HEBP2: variants seen among roughly 807,000 people sequenced by gnomAD.
The protein encoded by HEBP2 is heme-binding protein 2.
Under a neutral mutation model 23.1 loss-of-function variants are expected in HEBP2, and 27 were observed. That is an observed-to-expected ratio of 1.17 (90% CI 0.86 to 1.61). The LOEUF (loss-of-function observed/expected upper bound fraction) is 1.61. HEBP2 is among the 40% of genes most tolerant of loss of function. The probability of loss-of-function intolerance (pLI) is 0.00; values close to 1 mark genes in which losing one functional copy is unlikely to be tolerated. For missense variants in HEBP2, 245 were observed against 253.8 expected (o/e 0.97, Z 0.24); for synonymous variants, 99 against 95.1 (o/e 1.04, Z -0.24).
At chr6:138,412,090 A>G (rs1389990881) in intron 3 of HEBP2, 4 of 447,450 alleles carry the variant, frequency 8.9e-6, no homozygotes, top group South Asian at 1.6e-5. Context: ...TAGGAGAGGG[A>G]AAAAGGGGCA....
At chr6:138,404,982 C>A (rs557583590) in intron 1 of HEBP2, among the ~76,000 whole-genome samples, 163 bp from the exon 2 acceptor site, 31 of 151,628 alleles carry the variant, frequency 2.0e-4, no homozygotes, top group Non-Finnish European at 3.8e-4. Context: ...TGGAGGGGAA[C>A]CTCCCAGACC....
rs1404138552 is a variant in HEBP2 at position 138,421,393 on chromosome 6, C to T, written c.*8315C>T. The stretch of plus-strand genomic sequence containing the variant: ...TTCTCCTAAGGAATATACAGTCACC[C>T]CCACAGGAAAAGCAAGAGTTCAATC... On this transcript the variant is annotated 3_prime_UTR_variant, in exon 4 of 4. Coordinates refer to ENST00000607197, the MANE Select transcript of HEBP2 (RefSeq NM_014320.3). 6.6e-6 allele frequency: 1 copy of T among 152,086 alleles called. No individual in the cohort carries two copies. Among genetic ancestry groups the T allele is most frequent in the Non-Finnish European group, 1.5e-5 (1 of 68,034 alleles). 9.4% of individuals were successfully genotyped at this position (152,086 alleles called of 1,614,324 possible).
chr6:138,405,831 T>A lies in HEBP2; in HGVS notation c.239-140T>A, dbSNP rs887144851. ...AGCAATTGAGTAATTTTGGCCTTAC[T>A]GTTTTAAGATGAAAATTATCTTAAA... On this transcript the variant is annotated intron_variant, in intron 2 of 3. Coordinates refer to ENST00000607197, the MANE Select transcript of HEBP2 (RefSeq NM_014320.3). 4 of 716,258 alleles carry A rather than the reference T, an allele frequency of 5.6e-6. No individual in the cohort carries two copies. In the East Asian group the frequency reaches 1.1e-4, roughly 20 times the overall value. 44.4% of individuals were successfully genotyped at this position (716,258 alleles called of 1,614,324 possible).
chr6:138,404,706 C>A, intron 1 of HEBP2, 109 bp downstream of exon 1: 1 of 649,574 alleles, frequency 1.5e-6, no homozygotes, highest in Admixed American at 4.3e-5. Context: ...TTTAAATGGT[C>A]CCAGTCCCTA....
intron 3 of HEBP2, 67 bp downstream of exon 3, chr6:138,406,218 T>G (rs1003240719): frequency 4.3e-5 from 59 of 1,380,364 alleles, no homozygotes; most frequent in African/African-American, 2.2e-4. Context: ...ACAGTTTAGC[T>G]CCAATGCAAT....
At chr6:138,404,755 G>C (rs1264606088) in intron 1 of HEBP2, among the ~76,000 whole-genome samples, 158 bp downstream of exon 1, 1 of 152,158 alleles carries the variant, frequency 6.6e-6, no homozygotes, top group Non-Finnish European at 1.5e-5. Flanking sequence ...CGGTCATTTA[G>C]CTCTACCCTC....
Position 138,404,461 on chromosome 6 carries a change from C to T in HEBP2, c.-35C>T. The T allele has an allele frequency of 2.4e-6, 3 of 1,238,864 alleles. No individual in the cohort carries two copies. The highest frequency in any genetic ancestry group is 3.0e-6 in the Non-Finnish European group (3 of 987,816). The allele number at this position is 1,238,864 out of a possible 1,614,324, so 76.7% of individuals were successfully genotyped here. On this transcript the variant is annotated 5_prime_UTR_variant, in exon 1 of 4. Coordinates refer to ENST00000607197, the MANE Select transcript of HEBP2 (RefSeq NM_014320.3). Reference sequence around the variant, plus strand: ...CGGCCCGGGGTGCGGGGCCTCTGCGCGGCTGACCAGGCTCCCAGAGCGTCA... The same window carrying T: ...CGGCCCGGGGTGCGGGGCCTCTGCGTGGCTGACCAGGCTCCCAGAGCGTCA...
intron 3 of HEBP2, 41 bp downstream of exon 3, chr6:138,406,192 T>A: frequency 6.4e-7 from 1 of 1,553,458 alleles, no homozygotes; most frequent in Non-Finnish European, 8.8e-7. Flanking sequence ...ACTGCTAGTT[T>A]TACTTGCGTG....
chr6:138,404,600 A>G lies in HEBP2; in HGVS notation c.102+3A>G. Reference sequence around the variant, plus strand: ...CCCCGGAGGACGCCGGCCCCCAGGTAGGCGCCGACTCGGGAGCGGAGGGGC... The same window carrying G: ...CCCCGGAGGACGCCGGCCCCCAGGTGGGCGCCGACTCGGGAGCGGAGGGGC... On this transcript the variant is annotated splice_donor_region_variant and intron_variant, in intron 1 of 3. Transcript: ENST00000607197. The G allele has an allele frequency of 2.4e-6, 3 of 1,273,040 alleles. No individual in the cohort carries two copies. Among genetic ancestry groups the G allele is most frequent in the South Asian group, 2.5e-5 (1 of 39,772 alleles). The allele number at this position is 1,273,040 out of a possible 1,614,324, so 78.9% of individuals were successfully genotyped here. A position where few individuals can be genotyped will look rare whatever the true frequency, so the allele number is the denominator to read the frequency against.
chr6:138,411,925 G>C (rs1325827046), intron 3 of HEBP2, among the ~76,000 whole-genome samples: 1 of 152,128 alleles, frequency 6.6e-6, no homozygotes, highest in East Asian at 1.9e-4. Context: ...GCAACAGACA[G>C]AGTGAGACTC....
upstream of HEBP2, among the ~76,000 whole-genome samples, chr6:138,403,916 G>C (rs374212590): frequency 4.9e-3 from 752 of 152,310 alleles, 4 homozygotes; most frequent in Non-Finnish European, 7.8e-3. Flanking sequence ...AACTTCTTGG[G>C]ATGAGTACGG....
At chr6:138,408,793 G>C (rs1445179477) in intron 3 of HEBP2, among the ~76,000 whole-genome samples, 4 of 152,082 alleles carry the variant, frequency 2.6e-5, no homozygotes, top group African/African-American at 7.3e-5. Context: ...TCATTTCATA[G>C]CCGACTTGTT....
chr6:138,416,539 G>T lies in HEBP2; in HGVS notation c.*3461G>T, dbSNP rs57919308. On this transcript the variant is annotated 3_prime_UTR_variant, in exon 4 of 4. Transcript: ENST00000607197. ...TGGCTCTCCTCGGCAGGCTGGGGCT[G>T]GCAGGAAGGGCTGTGATGGAACTTC... 0.11 allele frequency: 17,040 copies of T among 152,498 alleles called. 1,100 individuals are homozygous for T. The highest frequency in any genetic ancestry group is 0.19 in the Middle Eastern group (56 of 296). 9.4% of individuals were successfully genotyped at this position (152,498 alleles called of 1,614,324 possible). A position where few individuals can be genotyped will look rare whatever the true frequency, so the allele number is the denominator to read the frequency against.
rs1376117836 is a variant in HEBP2 at position 138,419,424 on chromosome 6, A to G, written c.*6346A>G. ...TCCTTTCGGGCCTACAGGGTCCTGA[A>G]CACAATCTAAGGACTTACAAAACAT... On this transcript the variant is annotated 3_prime_UTR_variant, in exon 4 of 4. Coordinates refer to ENST00000607197, the MANE Select transcript of HEBP2 (RefSeq NM_014320.3). The G allele has an allele frequency of 6.6e-6, 1 of 152,218 alleles. No individual in the cohort carries two copies. The highest frequency in any genetic ancestry group is 1.5e-5 in the Non-Finnish European group (1 of 68,042). 9.4% of individuals were successfully genotyped at this position (152,218 alleles called of 1,614,324 possible). A position where few individuals can be genotyped will look rare whatever the true frequency, so the allele number is the denominator to read the frequency against.
chr6:138,403,590 G>A, upstream of HEBP2: 1 of 459,720 alleles, frequency 2.2e-6, no homozygotes, highest in Non-Finnish European at 3.9e-6. Flanking sequence ...GGGCGCCGGA[G>A]CCGTGCCGGG....
chr6:138,414,604 C>T lies in HEBP2; in HGVS notation c.*1526C>T, dbSNP rs1774810656. The stretch of plus-strand genomic sequence containing the variant: ...GGGGTGTGGTTCGCCGACAGTCTCC[C>T]CGTTACCGTCTTCAGGGTCCACGCC... On this transcript the variant is annotated 3_prime_UTR_variant, in exon 4 of 4. Transcript: ENST00000607197. The T allele has an allele frequency of 6.6e-6, 1 of 152,176 alleles. No homozygotes were observed. The highest frequency in any genetic ancestry group is 1.5e-5 in the Non-Finnish European group (1 of 68,062). The allele number at this position is 152,176 out of a possible 1,614,324, so 9.4% of individuals were successfully genotyped here.
chr6:138,415,553 A>T lies in HEBP2; in HGVS notation c.*2475A>T, dbSNP rs1213391720. Reference sequence around the variant, plus strand: ...TGGATTGACGTCCTGCAAGTGGATAATGAAAAGCTGAGGTCAATTAACAAA... The same window carrying T: ...TGGATTGACGTCCTGCAAGTGGATATTGAAAAGCTGAGGTCAATTAACAAA... On this transcript the variant is annotated 3_prime_UTR_variant, in exon 4 of 4. Coordinates refer to ENST00000607197, the MANE Select transcript of HEBP2 (RefSeq NM_014320.3). The T allele has an allele frequency of 6.6e-6, 1 of 152,172 alleles. No individual in the cohort carries two copies. Among genetic ancestry groups the T allele is most frequent in the African/African-American group, 2.4e-5 (1 of 41,416 alleles). The allele number at this position is 152,172 out of a possible 1,614,324, so 9.4% of individuals were successfully genotyped here.
chr6:138,410,977 T>C (rs1047113651), intron 3 of HEBP2, among the ~76,000 whole-genome samples: 5 of 152,246 alleles, frequency 3.3e-5, no homozygotes, highest in Admixed American at 1.3e-4. Context: ...GACATTGTTA[T>C]ATAAAGCAGA....
Position 138,421,736 on chromosome 6 carries a change from T to TA in HEBP2, c.*8660dup, listed in dbSNP as rs778392524. ...TCTCCCTGTATTTCATCCATGCCTG[T>TA]AAGAAGTTCTCACGTCTCTCCACAT... On this transcript the variant is annotated 3_prime_UTR_variant, in exon 4 of 4. Coordinates refer to ENST00000607197, the MANE Select transcript of HEBP2 (RefSeq NM_014320.3). The TA allele has an allele frequency of 1.3e-5, 2 of 152,192 alleles. No homozygotes were observed. The highest frequency in any genetic ancestry group is 2.9e-5 in the Non-Finnish European group (2 of 68,034). 9.4% of individuals were successfully genotyped at this position (152,192 alleles called of 1,614,324 possible). A position where few individuals can be genotyped will look rare whatever the true frequency, so the allele number is the denominator to read the frequency against.
Sources: gnomAD v4.1 joint callset for allele counts (sites outside exome capture counted in the v4.1 genomes callset) on GRCh38, gnomAD v4.1.1 for gene constraint, MANE v1.5 for transcripts, NCBI Gene and HGNC (gene_info 2026-07-23, HGNC 2026-07-21) for gene names.